The following ARF4 variants were observed in gnomAD, a reference collection of about 807,000 sequenced individuals.
ARF4 encodes ARF GTPase 4.
A neutral mutation model predicts 24.3 loss-of-function variants in ARF4; 5 were observed. The ratio of observed to expected loss-of-function variants is 0.21; its 90% CI spans 0.11 to 0.43. The LOEUF is 0.43. ARF4 is among the 20% of genes least tolerant of loss of function. ARF4 has a pLI of 1.00. For synonymous variants in ARF4, 62 were observed against 73.5 expected, an observed-to-expected ratio of 0.84 and a Z score of 0.80; for missense variants, 107 against 213.0, an observed-to-expected ratio of 0.50 and a Z score of 3.10.
At chr3:57,583,006 A>G (rs960644691) in intron 3 of ARF4, among the ~76,000 whole-genome samples, 5 of 152,200 alleles carry the variant, frequency 3.3e-5, no homozygotes, top group Admixed American at 1.3e-4. Context: ...GGCAGCTGCT[A>G]TTGCCATCTA....
chr3:57,596,986 C>A lies in ARF4; in HGVS notation c.67+88G>T, dbSNP rs1363563793. ...GGCGCCCCTCCCCCACCACAGCGGG[C>A]GGAGGAAAAAAACAGGCCCAGAGGC... is the stretch of plus-strand genomic sequence containing the variant. On this transcript the variant is annotated intron_variant, in intron 1 of 5. Transcript: ENST00000303436. 6.4e-6 allele frequency: 9 copies of A among 1,400,890 alleles called. No homozygotes were observed. The South Asian group carries it at 9.7e-5, about 15-fold the overall frequency. 86.8% of individuals were successfully genotyped at this position (1,400,890 alleles called of 1,614,324 possible).
chr3:57,581,975 C>T (rs906876330), intron 3 of ARF4, among the ~76,000 whole-genome samples: 18 of 152,120 alleles, frequency 1.2e-4, no homozygotes, highest in Non-Finnish European at 1.2e-4. Flanking sequence ...TCCAAAACTT[C>T]CCGAGCACCA....
chr3:57,587,599 A>C (rs2070055083), intron 1 of ARF4, among the ~76,000 whole-genome samples: 2 of 152,064 alleles, frequency 1.3e-5, no homozygotes, highest in African/African-American at 4.8e-5. Flanking sequence ...TTTTTTAATT[A>C]AAATGTTGGG....
intron 1 of ARF4, among the ~76,000 whole-genome samples, chr3:57,586,481 C>G (rs1316110845): frequency 6.6e-6 from 1 of 152,200 alleles, no homozygotes; most frequent in African/African-American, 2.4e-5. Context: ...ACCCTTTCTA[C>G]TCTGTACCCT....
intron 1 of ARF4, among the ~76,000 whole-genome samples, chr3:57,587,472 G>T (rs1246153135): frequency 6.6e-6 from 1 of 151,640 alleles, no homozygotes; most frequent in Non-Finnish European, 1.5e-5. Flanking sequence ...ATATGTGCTT[G>T]TATGAATACT....
At chr3:57,573,559 G>T (rs2069865379) in intron 5 of ARF4, among the ~76,000 whole-genome samples, 1 of 152,168 alleles carries the variant, frequency 6.6e-6, no homozygotes, top group Non-Finnish European at 1.5e-5. Context: ...TTTACAGTTA[G>T]TGTTGCTTGC....
chr3:57,579,959 G>T (rs1284471996), intron 3 of ARF4, among the ~76,000 whole-genome samples: 1 of 151,942 alleles, frequency 6.6e-6, no homozygotes, highest in East Asian at 1.9e-4. Context: ...ATTTTAGTAG[G>T]GCATGGTGGC....
chr3:57,590,148 A>AAAC lies in ARF4; in HGVS notation c.68-5685_68-5684insGTT, dbSNP rs753114070. Among the ~76,000 whole-genome samples the AAAC allele has an allele frequency of 5.3e-5, 8 of 151,050 alleles. No homozygotes were observed. The South Asian group carries it at 6.2e-4, about 12-fold the overall frequency. ...ATAAATAAATAAAACAAAAAACAAAAAAAGAACATCTATAAAAAACCTACA... is the reference window on the plus strand; with the variant it reads ...ATAAATAAATAAAACAAAAAACAAAAAACAAAGAACATCTATAAAAAACCTACA... On this transcript the variant is annotated intron_variant, in intron 1 of 5. Transcript: ENST00000303436.
At chr3:57,586,605 A>C (rs1230219233) in intron 1 of ARF4, among the ~76,000 whole-genome samples, 2 of 152,162 alleles carry the variant, frequency 1.3e-5, no homozygotes, top group African/African-American at 4.8e-5. Context: ...CCCAACTACT[A>C]GTCAGTGTGA....
intron 4 of ARF4, among the ~76,000 whole-genome samples, chr3:57,576,049 AGAT>A (rs1375894509): frequency 6.6e-6 from 1 of 152,236 alleles, no homozygotes; most frequent in Non-Finnish European, 1.5e-5. Flanking sequence ...GTACTTAGAT[AGAT>A]GATGATTCTT....
chr3:57,584,106 T>C (rs926921307), intron 2 of ARF4, 99 bp from the exon 3 acceptor site: 29 of 825,924 alleles, frequency 3.5e-5, no homozygotes, highest in Middle Eastern at 3.4e-4. Flanking sequence ...AAAGTACTTC[T>C]TTTTATTTTT....
At chr3:57,576,889 T>C (rs2069911806) in intron 4 of ARF4, among the ~76,000 whole-genome samples, 1 of 152,112 alleles carries the variant, frequency 6.6e-6, no homozygotes, top group South Asian at 2.1e-4. Flanking sequence ...TGGCACAGCA[T>C]AGAGAAAATG....
chr3:57,577,552 T>G (rs2069921573), intron 3 of ARF4, among the ~76,000 whole-genome samples, 165 bp from the exon 4 acceptor site: 1 of 152,208 alleles, frequency 6.6e-6, no homozygotes, highest in African/African-American at 2.4e-5. Flanking sequence ...GAGAACTATT[T>G]GTAAGTTTAA....
At chr3:57,584,815 G>T (rs1331105437) in intron 1 of ARF4, among the ~76,000 whole-genome samples, 1 of 149,810 alleles carries the variant, frequency 6.7e-6, no homozygotes, top group African/African-American at 2.4e-5. Context: ...GATCATCTAA[G>T]ATCTCTTCCA....
chr3:57,585,853 G>A (rs1559785523), intron 1 of ARF4, among the ~76,000 whole-genome samples: 1 of 151,914 alleles, frequency 6.6e-6, no homozygotes. Flanking sequence ...GTAGAGACGG[G>A]GTTTCACCAT....
chr3:57,584,886 C>T (rs1408080985), intron 1 of ARF4, among the ~76,000 whole-genome samples: 2 of 151,972 alleles, frequency 1.3e-5, no homozygotes, highest in African/African-American at 2.4e-5. Context: ...AGCGGGGGGA[C>T]GTATTCTCGC....
intron 1 of ARF4, chr3:57,596,539 C>T (rs2070185047): frequency 6.5e-6 from 1 of 152,772 alleles, no homozygotes; most frequent in African/African-American, 2.4e-5. Context: ...TCTTCGGAAA[C>T]CTTGGGTGCT....
chr3:57,576,416 G>A (rs1254803135), intron 4 of ARF4, among the ~76,000 whole-genome samples: 1 of 151,506 alleles, frequency 6.6e-6, no homozygotes, highest in African/African-American at 2.4e-5. Context: ...TTGTGATGAT[G>A]GTTGTACAAC....
At chr3:57,585,763 A>C (rs2070028900) in intron 1 of ARF4, among the ~76,000 whole-genome samples, 1 of 151,210 alleles carries the variant, frequency 6.6e-6, no homozygotes, top group African/African-American at 2.4e-5. Context: ...CCCAGGTTCA[A>C]GCGATTCTCC....
Sources: gnomAD v4.1 joint callset for allele counts (sites outside exome capture counted in the v4.1 genomes callset) on GRCh38, gnomAD v4.1.1 for gene constraint, MANE v1.5 for transcripts, NCBI Gene and HGNC (gene_info 2026-07-23, HGNC 2026-07-21) for gene names.